RIT2: variants seen among roughly 807,000 people sequenced by gnomAD.
The protein encoded by RIT2 is GTP-binding protein Rit2.
In RIT2, 24 loss-of-function variants were observed where a neutral mutation model predicts 23.7. The observed-to-expected ratio is 1.01, with a 90% CI of 0.73 to 1.43. The LOEUF (loss-of-function observed/expected upper bound fraction) is 1.43. Among genes scored for constraint, RIT2 ranks in the 40% most tolerant of loss-of-function variants. The pLI is 0.00. For missense variants in RIT2, 236 were observed against 266.9 expected (o/e 0.88, Z 0.81); for synonymous variants, 107 against 91.1 (o/e 1.17, Z -0.99).
chr18:42,889,125 AT>A (rs36049608), intron 4 of RIT2, among the ~76,000 whole-genome samples: 2,669 of 152,132 alleles, frequency 0.018, 102 homozygotes, highest in African/African-American at 0.061. Context: ...TTTTAGTATA[AT>A]GGACAATATT....
chr18:43,035,875 A>T (rs1442157775), intron 1 of RIT2, among the ~76,000 whole-genome samples: 1 of 152,210 alleles, frequency 6.6e-6, no homozygotes, highest in African/African-American at 2.4e-5. Context: ...CTCCTGAATA[A>T]AATCTGTTCT....
chr18:42,746,392 AC>A (rs1912917214), intron 4 of RIT2, among the ~76,000 whole-genome samples: 1 of 152,142 alleles, frequency 6.6e-6, no homozygotes, highest in Admixed American at 6.6e-5. Context: ...CAGTTGCAGT[AC>A]CTTACATGTA....
At chr18:42,837,153 CTTTTTTTTTTTTTTTT>C (rs570701535) in intron 4 of RIT2, among the ~76,000 whole-genome samples, 1,956 of 51,796 alleles carry the variant, frequency 0.038, 41 homozygotes, top group African/African-American at 0.12. Flanking sequence ...TTTTCTTTTT[CTTTTTTTTTTTTTTTT>C]TTTTTTTTTT....
At chr18:42,991,478 A>G (rs572584506) in intron 2 of RIT2, among the ~76,000 whole-genome samples, 2 of 152,274 alleles carry the variant, frequency 1.3e-5, no homozygotes, top group East Asian at 1.9e-4. Context: ...ATTCTTTCCA[A>G]TTTTGGGCAC....
chr18:42,861,293 A>G (rs925832337), intron 4 of RIT2, among the ~76,000 whole-genome samples: 2 of 152,186 alleles, frequency 1.3e-5, no homozygotes, highest in African/African-American at 4.8e-5. Flanking sequence ...CAGTTAGGGA[A>G]AGGACATTTT....
chr18:43,018,867 C>A (rs1177441499), intron 2 of RIT2, among the ~76,000 whole-genome samples: 2 of 151,746 alleles, frequency 1.3e-5, no homozygotes, highest in South Asian at 2.1e-4. Context: ...AAGTATAAAT[C>A]ACTGGTAGAG....
Position 42,967,887 on chromosome 18 carries a change from A to T in RIT2, c.234+6187T>A, listed in dbSNP as rs182921707. ...AAGTTTTATCTTACATTTTAAAATA[A>T]TTTCATCTTTTTTCTATAAGTTGTC... is the stretch of plus-strand genomic sequence containing the variant. On this transcript the variant is annotated intron_variant, in intron 3 of 4. Coordinates refer to ENST00000326695, the MANE Select transcript of RIT2 (RefSeq NM_002930.4). 1.6e-4 allele frequency among the ~76,000 whole-genome samples: 24 copies of T among 152,036 alleles called. No individual in the cohort carries two copies. The East Asian group carries it at 4.6e-3, about 29-fold the overall frequency.
intron 4 of RIT2, among the ~76,000 whole-genome samples, chr18:42,754,834 C>A (rs929836540): frequency 6.6e-6 from 1 of 152,166 alleles, no homozygotes; most frequent in East Asian, 1.9e-4. Flanking sequence ...ATAATGAGTT[C>A]ATAAAACTGA....
At chr18:42,986,954 A>C (rs1320665794) in intron 2 of RIT2, among the ~76,000 whole-genome samples, 1 of 152,218 alleles carries the variant, frequency 6.6e-6, no homozygotes, top group Non-Finnish European at 1.5e-5. Context: ...AATTTAAAAG[A>C]CTAACAACAT....
chr18:42,972,965 A>G (rs1177766647), intron 3 of RIT2, among the ~76,000 whole-genome samples: 1 of 151,890 alleles, frequency 6.6e-6, no homozygotes, highest in East Asian at 1.9e-4. Flanking sequence ...AATGATTTAC[A>G]GTTCTCTTGA....
chr18:43,070,859 T>C (rs1371734797), intron 1 of RIT2, among the ~76,000 whole-genome samples: 1 of 152,216 alleles, frequency 6.6e-6, no homozygotes, highest in African/African-American at 2.4e-5. Context: ...ACATGCTTTC[T>C]GCAATTACAA....
chr18:43,112,292 T>C (rs1192871979), intron 1 of RIT2, among the ~76,000 whole-genome samples: 1 of 152,148 alleles, frequency 6.6e-6, no homozygotes, highest in African/African-American at 2.4e-5. Context: ...TTTTCTGACC[T>C]CTGTTTTTTC....
intron 1 of RIT2, among the ~76,000 whole-genome samples, chr18:43,068,144 G>A (rs1912813159): frequency 6.6e-6 from 1 of 152,118 alleles, no homozygotes; most frequent in South Asian, 2.1e-4. Context: ...GTATAAGATA[G>A]CTACAATTTA....
intron 4 of RIT2, among the ~76,000 whole-genome samples, chr18:42,913,530 A>T (rs1213181564): frequency 6.6e-6 from 1 of 152,002 alleles, no homozygotes; most frequent in East Asian, 1.9e-4. Flanking sequence ...CTTAAACTTA[A>T]AAAAGAAACA....
At chr18:42,788,431 C>T (rs532611577) in intron 4 of RIT2, among the ~76,000 whole-genome samples, 1 of 152,238 alleles carries the variant, frequency 6.6e-6, no homozygotes, top group South Asian at 2.1e-4. Context: ...AATAAATGCT[C>T]CACATTTTGT....
At chr18:42,989,721 G>A (rs986448786) in intron 2 of RIT2, among the ~76,000 whole-genome samples, 6 of 152,116 alleles carry the variant, frequency 3.9e-5, no homozygotes, top group Admixed American at 2.6e-4. Flanking sequence ...CTGCAAAACC[G>A]TAGATCTCTG....
chr18:42,868,146 A>G (rs747582877), intron 4 of RIT2, among the ~76,000 whole-genome samples: 11 of 152,186 alleles, frequency 7.2e-5, no homozygotes, highest in Non-Finnish European at 1.5e-4. Context: ...ATTTTTCCAC[A>G]CATGCATATT....
chr18:43,066,428 C>A (rs1490403283), intron 1 of RIT2, among the ~76,000 whole-genome samples: 1 of 152,290 alleles, frequency 6.6e-6, no homozygotes, highest in East Asian at 1.9e-4. Flanking sequence ...AAAGCACAAT[C>A]AAATTGGTAC....
At chr18:42,916,157 T>C (rs1908904453) in intron 4 of RIT2, among the ~76,000 whole-genome samples, 1 of 152,104 alleles carries the variant, frequency 6.6e-6, no homozygotes, top group African/African-American at 2.4e-5. Context: ...GAGTTTCTGA[T>C]TTACCAGAAC....
Sources: gnomAD v4.1 joint callset for allele counts (sites outside exome capture counted in the v4.1 genomes callset) on GRCh38, gnomAD v4.1.1 for gene constraint, MANE v1.5 for transcripts, NCBI Gene and HGNC (gene_info 2026-07-23, HGNC 2026-07-21) for gene names.